The following OTUD7A variants were observed in gnomAD, a reference collection of about 807,000 sequenced individuals.
The protein encoded by OTUD7A is OTU domain-containing protein 7A.
Under a neutral mutation model 65.7 loss-of-function variants are expected in OTUD7A, and 12 were observed. The ratio of observed to expected loss-of-function variants is 0.18; its 90% CI spans 0.12 to 0.30. The LOEUF (loss-of-function observed/expected upper bound fraction) is 0.30, where lower values mean the gene tolerates loss of function less well. Ranked by LOEUF, OTUD7A falls within the 10% of genes least tolerant of loss-of-function variation. The probability of loss-of-function intolerance (pLI) is 1.00; values close to 1 mark genes in which losing one functional copy is unlikely to be tolerated. For missense variants in OTUD7A, 1,148 were observed against 1,304.8 expected (o/e 0.88, Z 1.85); for synonymous variants, 641 against 586.3 (o/e 1.09, Z -1.35).
chr15:31,527,075 C>G, intron 7 of OTUD7A, 106 bp downstream of exon 7: 5 of 1,507,266 alleles, frequency 3.3e-6, no homozygotes, highest in South Asian at 1.3e-5. Context: ...CTGCCTTCCC[C>G]TCATAAGACT....
At chr15:31,507,161 A>T (rs912778387) in intron 8 of OTUD7A, among the ~76,000 whole-genome samples, 2 of 152,192 alleles carry the variant, frequency 1.3e-5, no homozygotes, top group African/African-American at 2.4e-5. Context: ...AAGAAGGGGA[A>T]GATGGGGGAA....
chr15:31,749,961 A>C (rs1042214235), intron 1 of OTUD7A, among the ~76,000 whole-genome samples: 6 of 152,226 alleles, frequency 3.9e-5, no homozygotes, highest in South Asian at 2.1e-4. Context: ...AATGCCATTT[A>C]CAATGGCCAC....
At chr15:31,753,721 T>TATATATATTATATATATATATTATA (rs879561188) in intron 1 of OTUD7A, among the ~76,000 whole-genome samples, 1 of 106,778 alleles carries the variant, frequency 9.4e-6, no homozygotes, top group Admixed American at 9.2e-5. Flanking sequence ...TATATATATA[T>TATATATATTATATATATATATTATA]TATATATATA....
At chr15:31,510,610 A>ATATATGTATAT (rs1491253249) in intron 8 of OTUD7A, among the ~76,000 whole-genome samples, 8 of 17,330 alleles carry the variant, frequency 4.6e-4, no homozygotes, top group African/African-American at 1.1e-3. Flanking sequence ...TATGTAACAT[A>ATATATGTATAT]CATATGTATA....
At chr15:31,659,197 A>G (rs1892087751) in intron 1 of OTUD7A, among the ~76,000 whole-genome samples, 1 of 152,236 alleles carries the variant, frequency 6.6e-6, no homozygotes, top group Non-Finnish European at 1.5e-5. Context: ...GGAGAATGAG[A>G]CTGGGAGATG....
chr15:31,682,660 T>TC (rs1892745264), intron 1 of OTUD7A, among the ~76,000 whole-genome samples: 1 of 152,210 alleles, frequency 6.6e-6, no homozygotes, highest in Non-Finnish European at 1.5e-5. Flanking sequence ...TAAAGTAAAC[T>TC]CAATCTACAT....
chr15:31,648,006 C>T (rs1566959453), intron 3 of OTUD7A, among the ~76,000 whole-genome samples: 2 of 152,168 alleles, frequency 1.3e-5, no homozygotes, highest in East Asian at 1.9e-4. Context: ...GGACTAGATG[C>T]TGAAGGGCTG....
intron 1 of OTUD7A, among the ~76,000 whole-genome samples, chr15:31,742,586 A>G (rs1432989888): frequency 6.6e-6 from 1 of 152,146 alleles, no homozygotes; most frequent in African/African-American, 2.4e-5. Flanking sequence ...AGAAAAATAG[A>G]ACTAAACCTA....
rs71424610 is a variant in OTUD7A, at chr15:31,688,214, C to CAAAA, written c.-99-31141_-99-31138dup. ...CTGGCGACAGAGCGAGACTCCATCT[C>CAAAA]AAAAAAAAAAAAAAAGTAACTTTAT... On this transcript the variant is annotated intron_variant, in intron 1 of 12. Transcript: ENST00000307050. 3.0e-5 allele frequency among the ~76,000 whole-genome samples: 4 copies of CAAAA among 134,294 alleles called. No homozygotes were observed. In the South Asian group the frequency reaches 1.0e-3, roughly 34 times the overall value. 88.1% of individuals were successfully genotyped at this position (134,294 alleles called of 152,430 possible).
At chr15:31,652,207 G>A (rs917092289) in intron 3 of OTUD7A, among the ~76,000 whole-genome samples, 19 of 152,112 alleles carry the variant, frequency 1.2e-4, no homozygotes, top group African/African-American at 3.4e-4. Context: ...TTGGCTTTTC[G>A]TCAAATTGCA....
intron 1 of OTUD7A, among the ~76,000 whole-genome samples, chr15:31,802,879 T>A (rs1017105332): frequency 1.3e-5 from 2 of 152,184 alleles, no homozygotes; most frequent in Non-Finnish European, 2.9e-5. Flanking sequence ...TGAACCCCAA[T>A]TGAGTGTTGG....
At chr15:31,783,974 TCA>T (rs1011397209) in intron 1 of OTUD7A, among the ~76,000 whole-genome samples, 1 of 152,310 alleles carries the variant, frequency 6.6e-6, no homozygotes, top group Admixed American at 6.5e-5. Context: ...CTCCCAATAC[TCA>T]GAGACTTTTC....
intron 5 of OTUD7A, among the ~76,000 whole-genome samples, chr15:31,539,240 C>A (rs28696969): frequency 0.27 from 40,512 of 151,980 alleles, 6,687 homozygotes; most frequent in East Asian, 0.66. Context: ...TCTCTCTCCC[C>A]AACCTGGCTC....
At chr15:31,560,677 G>T (rs1436231344) in intron 4 of OTUD7A, among the ~76,000 whole-genome samples, 1 of 152,172 alleles carries the variant, frequency 6.6e-6, no homozygotes, top group Non-Finnish European at 1.5e-5. Context: ...AAAGCCTGCT[G>T]CCTGTGTTGC....
At chr15:31,772,414 G>C (rs976290429) in intron 1 of OTUD7A, among the ~76,000 whole-genome samples, 1 of 152,068 alleles carries the variant, frequency 6.6e-6, no homozygotes, top group African/African-American at 2.4e-5. Context: ...AGTTGGCAAG[G>C]GTACAGTGAG....
intron 1 of OTUD7A, among the ~76,000 whole-genome samples, chr15:31,802,284 G>C (rs1221839240): frequency 6.6e-6 from 1 of 152,088 alleles, no homozygotes; most frequent in African/African-American, 2.4e-5. Context: ...CAGTGGTCGA[G>C]GGCAGGAAGC....
intron 1 of OTUD7A, among the ~76,000 whole-genome samples, chr15:31,811,531 G>A (rs1434887859): frequency 2.0e-5 from 3 of 152,178 alleles, no homozygotes; most frequent in African/African-American, 7.2e-5. Flanking sequence ...CATCTGTGGG[G>A]TGTGTGTGCG....
chr15:31,743,169 G>A (rs1426967324), intron 1 of OTUD7A, among the ~76,000 whole-genome samples: 1 of 152,024 alleles, frequency 6.6e-6, no homozygotes, highest in African/African-American at 2.4e-5. Context: ...AGTGCAAAAA[G>A]AGCCTTCATA....
chr15:31,694,142 G>A (rs980606180), intron 1 of OTUD7A, among the ~76,000 whole-genome samples: 1 of 152,158 alleles, frequency 6.6e-6, no homozygotes, highest in African/African-American at 2.4e-5. Flanking sequence ...ACCCCAGAGT[G>A]GCGCTCAGAA....
Sources: gnomAD v4.1 joint callset for allele counts (sites outside exome capture counted in the v4.1 genomes callset) on GRCh38, gnomAD v4.1.1 for gene constraint, MANE v1.5 for transcripts, NCBI Gene and HGNC (gene_info 2026-07-23, HGNC 2026-07-21) for gene names.